ANO10: variants seen among roughly 807,000 people sequenced by gnomAD.
The protein encoded by ANO10 is anoctamin 10.
Under a neutral mutation model 74.7 loss-of-function variants are expected in ANO10, and 77 were observed. That is an observed-to-expected ratio of 1.03 (90% CI 0.86 to 1.25). The LOEUF (loss-of-function observed/expected upper bound fraction) is 1.25, where lower values mean the gene tolerates loss of function less well. Ranked by LOEUF, ANO10 falls within the 50% of genes most tolerant of loss-of-function variation. The probability of loss-of-function intolerance (pLI) is 0.00; values close to 1 mark genes in which losing one functional copy is unlikely to be tolerated. For synonymous variants in ANO10, 279 were observed against 284.9 expected (o/e 0.98, Z 0.21); for missense variants, 721 against 778.1 (o/e 0.93, Z 0.87).
intron 9 of ANO10, 82 bp downstream of exon 9, chr3:43,561,138 G>T: frequency 6.9e-7 from 1 of 1,454,552 alleles, no homozygotes; most frequent in Non-Finnish European, 9.7e-7. Context: ...CTGAGATCAT[G>T]AATGTATAAC....
chr3:43,514,405 T>C (rs1239519894), intron 11 of ANO10, among the ~76,000 whole-genome samples: 2 of 152,120 alleles, frequency 1.3e-5, no homozygotes, highest in Non-Finnish European at 2.9e-5. Flanking sequence ...AAAGAGATTA[T>C]ATCATAAAAA....
chr3:43,675,030 CCTT>C (rs2084104997), intron 1 of ANO10, among the ~76,000 whole-genome samples: 1 of 152,140 alleles, frequency 6.6e-6, no homozygotes, highest in South Asian at 2.1e-4. Context: ...CAATGAGTCT[CCTT>C]AACCTGAAAA....
chr3:43,651,091 T>C (rs1017965541), intron 1 of ANO10, among the ~76,000 whole-genome samples: 3 of 152,178 alleles, frequency 2.0e-5, no homozygotes, highest in African/African-American at 7.2e-5. Flanking sequence ...ACTGTTTCTT[T>C]TGGGGGAGGG....
chr3:43,541,047 G>C (rs1479127792), intron 11 of ANO10, among the ~76,000 whole-genome samples: 1 of 151,982 alleles, frequency 6.6e-6, no homozygotes, highest in Non-Finnish European at 1.5e-5. Flanking sequence ...GGAAACAAGA[G>C]GAGGAAGAAA....
chr3:43,614,801 A>ATATATATATG (rs61457264), intron 1 of ANO10, among the ~76,000 whole-genome samples: 1,067 of 99,334 alleles, frequency 0.011, 97 homozygotes, highest in South Asian at 0.025. Flanking sequence ...ATATATATAT[A>ATATATATATG]TAGGTTCATT....
At chr3:43,467,897 C>T (rs895826745) in intron 11 of ANO10, among the ~76,000 whole-genome samples, 9 of 152,070 alleles carry the variant, frequency 5.9e-5, no homozygotes, top group Non-Finnish European at 1.0e-4. Flanking sequence ...AAAATACAAA[C>T]GAATTTAGAG....
At chr3:43,420,786 G>A (rs1191523080) in intron 12 of ANO10, among the ~76,000 whole-genome samples, 1 of 152,166 alleles carries the variant, frequency 6.6e-6, no homozygotes, top group Admixed American at 6.5e-5. Flanking sequence ...CCTTAATGAT[G>A]TTCACTTAAT....
At chr3:43,485,529 C>T (rs147822644) in intron 11 of ANO10, 4 of 251,560 alleles carry the variant, frequency 1.6e-5, no homozygotes, top group African/African-American at 4.6e-5. Flanking sequence ...CCTTGGAATC[C>T]GTGAGGCCAA....
At chr3:43,393,267 T>G (rs2092313249) in intron 12 of ANO10, among the ~76,000 whole-genome samples, 1 of 152,224 alleles carries the variant, frequency 6.6e-6, no homozygotes, top group African/African-American at 2.4e-5. Context: ...TCAAGTGAAG[T>G]GCACAGCCAT....
chr3:43,381,553 C>T (rs1409784610), intron 12 of ANO10, among the ~76,000 whole-genome samples: 1 of 152,128 alleles, frequency 6.6e-6, no homozygotes, highest in Non-Finnish European at 1.5e-5. Flanking sequence ...AACACTAGAG[C>T]TCCCAAATTT....
At chr3:43,564,019 G>A (rs920872839) in intron 8 of ANO10, among the ~76,000 whole-genome samples, 6 of 152,152 alleles carry the variant, frequency 3.9e-5, no homozygotes, top group African/African-American at 1.4e-4. Flanking sequence ...CGAGATGATA[G>A]ATACTCTAAA....
intron 8 of ANO10, among the ~76,000 whole-genome samples, chr3:43,562,358 A>G (rs1223539851): frequency 6.7e-6 from 1 of 150,156 alleles, no homozygotes; most frequent in East Asian, 2.0e-4. Context: ...AAGCTGAGGC[A>G]GGAGAATGGC....
chr3:43,681,041 T>G (rs2084190145), intron 1 of ANO10, among the ~76,000 whole-genome samples: 1 of 152,136 alleles, frequency 6.6e-6, no homozygotes, highest in Non-Finnish European at 1.5e-5. Flanking sequence ...AATAACCATC[T>G]AACATCATAA....
In ANO10 at chr3:43,419,756, T is replaced by C. The variant is rs1459367855; in HGVS notation, c.1914+12855A>G. On this transcript the variant is annotated intron_variant, in intron 12 of 12. Coordinates refer to ENST00000292246, the MANE Select transcript of ANO10 (RefSeq NM_018075.5). ...GTCTTGAACTCCTGACCTCAAACAA[T>C]CCACCCACCTCGGCCTCCCAAAGTG... 2.0e-5 allele frequency among the ~76,000 whole-genome samples: 3 copies of C among 152,114 alleles called. No individual in the cohort carries two copies. In the East Asian group the frequency reaches 5.8e-4, roughly 29 times the overall value.
chr3:43,485,521 T>A (rs2076443904), intron 11 of ANO10: 2 of 254,574 alleles, frequency 7.9e-6, no homozygotes, highest in Non-Finnish European at 1.5e-5. Flanking sequence ...ATTGCATTCC[T>A]TGGAATCCGT....
intron 12 of ANO10, among the ~76,000 whole-genome samples, chr3:43,417,921 G>T (rs1186609377): frequency 1.3e-5 from 2 of 152,174 alleles, no homozygotes; most frequent in Admixed American, 1.3e-4. Flanking sequence ...TTCGATAACA[G>T]CAATGATATC....
At chr3:43,531,888 A>C (rs1206825225) in intron 11 of ANO10, among the ~76,000 whole-genome samples, 2 of 151,522 alleles carry the variant, frequency 1.3e-5, no homozygotes, top group Admixed American at 1.3e-4. Context: ...GTGACAGAAC[A>C]AGACCCTGTC....
chr3:43,429,070 A>C (rs922060261), intron 12 of ANO10, among the ~76,000 whole-genome samples: 6 of 152,176 alleles, frequency 3.9e-5, no homozygotes, highest in Non-Finnish European at 7.4e-5. Context: ...GTACCTGAAG[A>C]TATGGGAATC....
In ANO10 at chr3:43,576,790, GT is replaced by G; in HGVS notation, c.1063del (p.Thr355ProfsTer15). Reference sequence around the variant, plus strand: ...GCTGGGCACATACAACAGGACACTGGTCCACTCAGACCCGCTGTTCTCATGT... The same window carrying G: ...GCTGGGCACATACAACAGGACACTGGCCACTCAGACCCGCTGTTCTCATGT... ...GLHENSGSEW[T>X]SVLLYVPSII... On this transcript the variant is annotated frameshift_variant, in exon 6 of 13. Coordinates refer to ENST00000292246, the MANE Select transcript of ANO10 (RefSeq NM_018075.5). LOFTEE classifies it high-confidence loss of function. The G allele has an allele frequency of 6.2e-7, 1 of 1,614,122 alleles. No individual in the cohort carries two copies. Among genetic ancestry groups the G allele is most frequent in the Non-Finnish European group, 8.5e-7 (1 of 1,180,020 alleles).
Sources: allele counts gnomAD v4.1 joint callset (sites outside exome capture counted in the v4.1 genomes callset), GRCh38; gene constraint gnomAD v4.1.1; transcripts MANE v1.5; gene names NCBI Gene and HGNC (gene_info 2026-07-23, HGNC 2026-07-21).